FBXO16: variants seen among roughly 807,000 people sequenced by gnomAD.
FBXO16 encodes the protein F-box only protein 16.
Under a neutral mutation model 41.0 loss-of-function variants are expected in FBXO16, and 31 were observed. That is an observed-to-expected ratio of 0.76 (90% CI 0.57 to 1.02). The LOEUF is 1.02. Ranked by LOEUF, FBXO16 falls within the 50% of genes least tolerant of loss-of-function variation. The pLI is 0.00. For synonymous variants in FBXO16, 133 were observed against 117.8 expected (o/e 1.13, Z -0.84); for missense variants, 361 against 346.2 (o/e 1.04, Z -0.34).
At chr8:28,449,782 G>A (rs973185808) in intron 6 of FBXO16, among the ~76,000 whole-genome samples, 2 of 151,816 alleles carry the variant, frequency 1.3e-5, no homozygotes, top group East Asian at 3.9e-4. Context: ...GACCAGCCTG[G>A]CCAACATGGT....
intron 4 of FBXO16, among the ~76,000 whole-genome samples, chr8:28,460,950 A>C (rs1333364074): frequency 6.6e-6 from 1 of 152,068 alleles, no homozygotes; most frequent in African/African-American, 2.4e-5. Context: ...TACCCAGGCC[A>C]GTCTCAAACT....
chr8:28,433,321 G>C (rs1802639151), intron 7 of FBXO16, among the ~76,000 whole-genome samples: 1 of 152,196 alleles, frequency 6.6e-6, no homozygotes. Flanking sequence ...ATTCTCCAGG[G>C]TTCTGTTCTT....
chr8:28,445,725 AAAG>A (rs1272305232), intron 7 of FBXO16, among the ~76,000 whole-genome samples: 5 of 152,344 alleles, frequency 3.3e-5, no homozygotes, highest in African/African-American at 1.2e-4. Flanking sequence ...GGCCCTGTTT[AAAG>A]AAGCTCATCT....
chr8:28,455,112 A>G (rs949326121), intron 5 of FBXO16, among the ~76,000 whole-genome samples: 2 of 148,302 alleles, frequency 1.3e-5, no homozygotes, highest in Non-Finnish European at 3.0e-5. Flanking sequence ...GTCTTGCTCT[A>G]TCGCCCAGGA....
chr8:28,455,233 G>C (rs890506704), intron 5 of FBXO16, among the ~76,000 whole-genome samples: 6 of 143,504 alleles, frequency 4.2e-5, no homozygotes, highest in Non-Finnish European at 7.5e-5. Flanking sequence ...ATGCCACCAT[G>C]CTCAGCTAAT....
intron 7 of FBXO16, among the ~76,000 whole-genome samples, chr8:28,444,265 C>T (rs1259706152): frequency 6.6e-6 from 1 of 151,634 alleles, no homozygotes; most frequent in African/African-American, 2.4e-5. Context: ...CCTCAGTATC[C>T]ATTTCCTCTT....
intron 1 of FBXO16, among the ~76,000 whole-genome samples, chr8:28,484,911 T>C (rs1190321053): frequency 1.3e-5 from 2 of 151,846 alleles, no homozygotes; most frequent in Admixed American, 1.3e-4. Flanking sequence ...AGTCTTGCTC[T>C]ATCACCCAGG....
At chr8:28,470,749 T>C (rs1336340082) in intron 3 of FBXO16, among the ~76,000 whole-genome samples, 1 of 152,242 alleles carries the variant, frequency 6.6e-6, no homozygotes, top group Non-Finnish European at 1.5e-5. Flanking sequence ...ATAATATTCT[T>C]CATTCTTATA....
intron 5 of FBXO16, among the ~76,000 whole-genome samples, chr8:28,453,730 C>T (rs564492771): frequency 2.0e-5 from 3 of 151,996 alleles, no homozygotes; most frequent in Non-Finnish European, 4.4e-5. Flanking sequence ...GTATACAATT[C>T]TATTACAGGA....
At chr8:28,441,350 G>A (rs1585893669) in intron 7 of FBXO16, among the ~76,000 whole-genome samples, 1 of 152,266 alleles carries the variant, frequency 6.6e-6, no homozygotes. Context: ...TTGCTCTCAA[G>A]GCCTCCTCTC....
chr8:28,432,951 C>T (rs1802629906), intron 7 of FBXO16, among the ~76,000 whole-genome samples: 1 of 151,918 alleles, frequency 6.6e-6, no homozygotes, highest in African/African-American at 2.4e-5. Flanking sequence ...ATCCCAGCTA[C>T]TTGGGAGGCC....
chr8:28,441,900 GTATATA>G (rs147243939), intron 7 of FBXO16, among the ~76,000 whole-genome samples: 21 of 127,210 alleles, frequency 1.7e-4, no homozygotes, highest in African/African-American at 8.1e-4. Flanking sequence ...ACTCCACAGT[GTATATA>G]TATATGTGTG....
chr8:28,471,740 A>C (rs1260926722), intron 3 of FBXO16, among the ~76,000 whole-genome samples: 2 of 151,304 alleles, frequency 1.3e-5, no homozygotes, highest in East Asian at 3.9e-4. Flanking sequence ...TGTATAACGA[A>C]AAACAGGAAG....
At chr8:28,477,087 T>C (rs1464501624) in intron 2 of FBXO16, among the ~76,000 whole-genome samples, 1 of 148,136 alleles carries the variant, frequency 6.8e-6, no homozygotes, top group Non-Finnish European at 1.5e-5. Context: ...CTGTTATATA[T>C]GCCTATCCTG....
chr8:28,480,138 C>T (rs1225259461), intron 2 of FBXO16, among the ~76,000 whole-genome samples: 5 of 152,112 alleles, frequency 3.3e-5, no homozygotes, highest in Middle Eastern at 6.8e-3. Flanking sequence ...TCTCCTGGTC[C>T]GTCTATTTTT....
At chr8:28,474,243 G>A (rs1473201301) in intron 2 of FBXO16, among the ~76,000 whole-genome samples, 4 of 145,912 alleles carry the variant, frequency 2.7e-5, no homozygotes, top group African/African-American at 1.0e-4. Context: ...GCTTGAGCCC[G>A]GGGAGTTGAG....
At chr8:28,468,815 T>C (rs1338211775) in intron 3 of FBXO16, among the ~76,000 whole-genome samples, 1 of 150,904 alleles carries the variant, frequency 6.6e-6, no homozygotes, top group East Asian at 2.0e-4. Flanking sequence ...GCCACTGCAC[T>C]CAAGCCTTAG....
chr8:28,437,999 C>T (rs1802710475), intron 7 of FBXO16, among the ~76,000 whole-genome samples: 1 of 152,168 alleles, frequency 6.6e-6, no homozygotes, highest in Non-Finnish European at 1.5e-5. Context: ...GCTATTGATG[C>T]AACTGTTTCT....
chr8:28,489,256 T>C (rs1585927087), intron 1 of FBXO16, among the ~76,000 whole-genome samples: 1 of 151,972 alleles, frequency 6.6e-6, no homozygotes, highest in East Asian at 1.9e-4. Flanking sequence ...GTGGGAGGAC[T>C]GCTTGAGCCT....
Sources: allele counts gnomAD v4.1 joint callset (sites outside exome capture counted in the v4.1 genomes callset), GRCh38; gene constraint gnomAD v4.1.1; transcripts MANE v1.5; gene names NCBI Gene and HGNC (gene_info 2026-07-23, HGNC 2026-07-21).